NGLY1: variants seen among roughly 807,000 people sequenced by gnomAD.
The protein encoded by NGLY1 is peptide-N(4)-(N-acetyl-beta-glucosaminyl)asparagine amidase.
A neutral mutation model predicts 84.6 loss-of-function variants in NGLY1; 68 were observed. The ratio of observed to expected loss-of-function variants is 0.80; its 90% confidence interval spans 0.66 to 0.98. NGLY1 has a LOEUF of 0.98. NGLY1 is among the 50% of genes least tolerant of loss of function. The pLI, the probability that NGLY1 is intolerant of heterozygous loss-of-function variation, is 0.00. For missense variants in NGLY1, 779 were observed against 770.2 expected, an observed-to-expected ratio of 1.01 and a Z score of -0.14; for synonymous variants, 280 against 275.2, an observed-to-expected ratio of 1.02 and a Z score of -0.17.
intron 7 of NGLY1, chr3:25,735,750 T>G: frequency 6.2e-6 from 2 of 320,114 alleles, no homozygotes; most frequent in South Asian, 5.6e-5. Flanking sequence ...TCATGGCAGC[T>G]TAATTTGAAA....
chr3:25,729,213 T>A lies in NGLY1; in HGVS notation c.1531A>T (p.Asn511Tyr), dbSNP rs563724353. Residue 511 changes from asparagine (N) to tyrosine (Y), a missense_variant, in exon 10 of 12, where the codon AAT becomes TAT. Transcript: ENST00000280700. ...KDRYVRVSNN[N>Y]QTISGWENGV... Reference sequence around the variant, plus strand: ...TTCTCCCATCCAGAAATGGTTTGATTGTTATTTGAAACTCGAACATAACGA... The same window carrying A: ...TTCTCCCATCCAGAAATGGTTTGATAGTTATTTGAAACTCGAACATAACGA... 1.0e-5 allele frequency: 16 copies of A among 1,569,228 alleles called. No homozygotes were observed. Among genetic ancestry groups the A allele is most frequent in the Non-Finnish European group, 1.3e-5 (15 of 1,154,370 alleles).
intron 1 of NGLY1, among the ~76,000 whole-genome samples, chr3:25,780,040 T>C (rs766872552): frequency 6.6e-5 from 10 of 152,254 alleles, no homozygotes; most frequent in Admixed American, 1.3e-4. Flanking sequence ...GATATTGCCA[T>C]GAAATTTTCA....
chr3:25,745,232 T>C (rs1706362325), intron 4 of NGLY1, among the ~76,000 whole-genome samples: 1 of 152,188 alleles, frequency 6.6e-6, no homozygotes, highest in African/African-American at 2.4e-5. Context: ...GTGCTGAGTG[T>C]GACTGAAGAA....
chr3:25,751,334 C>T (rs1706739743), intron 3 of NGLY1, 71 bp from the exon 4 acceptor site: 1 of 1,282,102 alleles, frequency 7.8e-7, no homozygotes, highest in African/African-American at 1.5e-5. Flanking sequence ...AATAAAAAAA[C>T]TGTGGTTTTA....
intron 4 of NGLY1, among the ~76,000 whole-genome samples, chr3:25,744,188 G>A (rs761025452): frequency 2.6e-5 from 4 of 152,196 alleles, no homozygotes; most frequent in Non-Finnish European, 4.4e-5. Context: ...AACATCAGTA[G>A]AGGTAGCCTC....
chr3:25,777,007 G>A (rs758908049), intron 2 of NGLY1, among the ~76,000 whole-genome samples: 6 of 152,014 alleles, frequency 3.9e-5, no homozygotes, highest in East Asian at 3.9e-4. Flanking sequence ...CTTTCTAACC[G>A]GTCTCCCTGC....
chr3:25,785,535 TC>T (rs564853332), upstream of NGLY1, among the ~76,000 whole-genome samples: 1,688 of 151,656 alleles, frequency 0.011, 34 homozygotes, highest in African/African-American at 0.039. Flanking sequence ...TTTTTTTTTT[TC>T]AAATAAAATT....
At chr3:25,734,641 G>A (rs1227198759) in intron 7 of NGLY1, 1 of 278,272 alleles carries the variant, frequency 3.6e-6, no homozygotes, top group African/African-American at 2.2e-5. Flanking sequence ...GAACTTGGGA[G>A]GCAGAGGTTG....
At chr3:25,755,595 A>T in intron 3 of NGLY1, 1 of 1,470,374 alleles carries the variant, frequency 6.8e-7, no homozygotes, top group Non-Finnish European at 9.5e-7. Context: ...TCCCATCAAC[A>T]TGGTTTCATC....
chr3:25,724,769 T>C (rs1705168648), intron 10 of NGLY1, among the ~76,000 whole-genome samples: 1 of 152,152 alleles, frequency 6.6e-6, no homozygotes, highest in Non-Finnish European at 1.5e-5. Context: ...CCATATCCTG[T>C]CCTCATACTA....
intron 9 of NGLY1, 78 bp downstream of exon 9, chr3:25,732,241 T>G: frequency 7.6e-7 from 1 of 1,318,924 alleles, no homozygotes; most frequent in Non-Finnish European, 1.0e-6. Context: ...GTCAATGCAG[T>G]TGGAGGATAG....
intron 4 of NGLY1, among the ~76,000 whole-genome samples, chr3:25,740,303 C>T (rs567572639): frequency 6.6e-6 from 1 of 152,218 alleles, no homozygotes; most frequent in Admixed American, 6.5e-5. Context: ...CAATATAATC[C>T]ATCCATGGAT....
intron 4 of NGLY1, among the ~76,000 whole-genome samples, chr3:25,744,626 A>G (rs1706327875): frequency 6.6e-6 from 1 of 152,198 alleles, no homozygotes; most frequent in South Asian, 2.1e-4. Flanking sequence ...TAGAATTTCA[A>G]TTTTGGAGGG....
chr3:25,783,415 G>T lies in NGLY1; in HGVS notation c.-25C>A. On this transcript the variant is annotated 5_prime_UTR_variant, in exon 1 of 12. Coordinates refer to ENST00000280700, the MANE Select transcript of NGLY1 (RefSeq NM_018297.4). The surrounding 1 kb of genome is among the most constrained non-coding windows in gnomAD (Gnocchi z 4.5). ...TGCTTGAGCGCCAGCGGGCGCCGCCGCCGCCCCTCGCTCTCCGCGTCCCAC... is the reference window on the plus strand; with the variant it reads ...TGCTTGAGCGCCAGCGGGCGCCGCCTCCGCCCCTCGCTCTCCGCGTCCCAC... 1 of 1,519,388 alleles carries T rather than the reference G, an allele frequency of 6.6e-7. No individual in the cohort carries two copies. Among genetic ancestry groups the T allele is most frequent in the Non-Finnish European group, 8.8e-7 (1 of 1,134,914 alleles). 94.1% of individuals were successfully genotyped at this position (1,519,388 alleles called of 1,614,324 possible). A position where few individuals can be genotyped will look rare whatever the true frequency, so the allele number is the denominator to read the frequency against.
intron 2 of NGLY1, among the ~76,000 whole-genome samples, chr3:25,770,996 T>C (rs1203806457): frequency 6.6e-6 from 1 of 152,208 alleles, no homozygotes; most frequent in African/African-American, 2.4e-5. Context: ...ATTCTGTGGG[T>C]TGTCTGTTAA....
intron 3 of NGLY1, among the ~76,000 whole-genome samples, chr3:25,757,369 C>T (rs1707093910): frequency 6.6e-6 from 1 of 152,184 alleles, no homozygotes. Flanking sequence ...CACCTCTTAG[C>T]TTTGCTCTCA....
At chr3:25,782,895 T>C in intron 1 of NGLY1, 1 of 223,608 alleles carries the variant, frequency 4.5e-6, no homozygotes, top group Non-Finnish European at 9.0e-6. Context: ...GCGGTTACCG[T>C]TGTGTCCCGA....
chr3:25,727,897 T>TA (rs1471252680), intron 10 of NGLY1, among the ~76,000 whole-genome samples: 1 of 152,142 alleles, frequency 6.6e-6, no homozygotes, highest in Non-Finnish European at 1.5e-5. Context: ...AGTCATTCGA[T>TA]AAAAAACCCT....
intron 3 of NGLY1, among the ~76,000 whole-genome samples, chr3:25,753,434 A>G (rs147705891): frequency 4.5e-4 from 68 of 152,278 alleles, no homozygotes; most frequent in African/African-American, 1.4e-3. Context: ...AATATAGCTT[A>G]CATAAATTTT....
Sources: allele counts gnomAD v4.1 joint callset (sites outside exome capture counted in the v4.1 genomes callset), GRCh38; gene constraint gnomAD v4.1.1; non-coding constraint Gnocchi (gnomAD v3.1); transcripts MANE v1.5; gene names NCBI Gene and HGNC (gene_info 2026-07-23, HGNC 2026-07-21).